Variants in CA10 observed in about 807,000 individuals in gnomAD.
CA10 encodes the protein carbonic anhydrase-related protein 10.
Under a neutral mutation model 44.2 loss-of-function variants are expected in CA10, and 14 were observed. The observed-to-expected ratio is 0.32, with a 90% confidence interval of 0.21 to 0.50. The LOEUF is 0.50. Ranked by LOEUF, CA10 falls within the 20% of genes least tolerant of loss-of-function variation. The pLI, the probability that CA10 is intolerant of heterozygous loss-of-function variation, is 0.99. For missense variants in CA10, 350 were observed against 409.7 expected, an observed-to-expected ratio of 0.85 and a Z score of 1.26; for synonymous variants, 159 against 141.6, an observed-to-expected ratio of 1.12 and a Z score of -0.87.
chr17:51,880,718 T>G (rs1980324053), intron 3 of CA10, among the ~76,000 whole-genome samples: 1 of 152,104 alleles, frequency 6.6e-6, no homozygotes, highest in South Asian at 2.1e-4. Flanking sequence ...ATAGGAAATC[T>G]TATTTATTGG....
At chr17:51,874,401 A>AAC (rs1238129780) in intron 3 of CA10, among the ~76,000 whole-genome samples, 1 of 151,174 alleles carries the variant, frequency 6.6e-6, no homozygotes, top group African/African-American at 2.4e-5. Context: ...AAAAAAAAAA[A>AAC]AAAAACAAAA....
intron 3 of CA10, among the ~76,000 whole-genome samples, chr17:51,790,163 C>T (rs748802764): frequency 2.6e-5 from 4 of 152,256 alleles, no homozygotes; most frequent in Non-Finnish European, 5.9e-5. Context: ...TCTAAATCTG[C>T]AAAAACTAGA....
chr17:51,870,689 A>T (rs1979761240), intron 3 of CA10, among the ~76,000 whole-genome samples: 1 of 152,250 alleles, frequency 6.6e-6, no homozygotes, highest in African/African-American at 2.4e-5. Flanking sequence ...TCGTGGAAGC[A>T]ATCGCCATCA....
At chr17:51,773,369 T>C (rs1393127597) in intron 3 of CA10, among the ~76,000 whole-genome samples, 1 of 152,164 alleles carries the variant, frequency 6.6e-6, no homozygotes, top group Non-Finnish European at 1.5e-5. Flanking sequence ...GGTAGTCTCT[T>C]AGAGACAGGG....
intron 4 of CA10, among the ~76,000 whole-genome samples, chr17:51,694,808 T>C (rs1915344027): frequency 6.6e-6 from 1 of 152,226 alleles, no homozygotes; most frequent in Non-Finnish European, 1.5e-5. Flanking sequence ...ACATCATTAA[T>C]ATATCTTGAG....
At chr17:51,634,430 C>T (rs144327770) in intron 7 of CA10, among the ~76,000 whole-genome samples, 106 of 152,238 alleles carry the variant, frequency 7.0e-4, no homozygotes, top group African/African-American at 2.3e-3. Flanking sequence ...ACACATATCC[C>T]GTCAAGGATA....
At chr17:51,679,101 G>A (rs1914732461) in intron 4 of CA10, among the ~76,000 whole-genome samples, 1 of 152,106 alleles carries the variant, frequency 6.6e-6, no homozygotes, top group South Asian at 2.1e-4. Flanking sequence ...GGGGGACATG[G>A]ACACAAACAA....
At chr17:51,712,727 T>A (rs1332390667) in intron 4 of CA10, among the ~76,000 whole-genome samples, 4 of 152,224 alleles carry the variant, frequency 2.6e-5, no homozygotes, top group Non-Finnish European at 5.9e-5. Flanking sequence ...GAACTCTTCT[T>A]AACTAGAAAG....
intron 3 of CA10, among the ~76,000 whole-genome samples, chr17:51,856,396 C>T (rs1405703165): frequency 7.0e-6 from 1 of 142,272 alleles, no homozygotes; most frequent in Non-Finnish European, 1.6e-5. Flanking sequence ...AACAACAACT[C>T]CCCTGGTCTC....
intron 3 of CA10, among the ~76,000 whole-genome samples, chr17:51,834,994 G>A (rs1298700848): frequency 6.6e-6 from 1 of 152,122 alleles, no homozygotes; most frequent in Non-Finnish European, 1.5e-5. Context: ...TTGTGCTCTG[G>A]GAATGGGACC....
intron 1 of CA10, among the ~76,000 whole-genome samples, chr17:52,106,832 C>T (rs926094386): frequency 2.6e-5 from 4 of 152,156 alleles, no homozygotes; most frequent in African/African-American, 9.7e-5. Context: ...TTAACTTGAT[C>T]GCCCTCTACT....
In CA10 at chr17:52,157,780, T is replaced by C. The variant is rs1411347882; in HGVS notation, c.7A>G (p.Ile3Val). The part of the protein sequence containing the change: ME[I>V]VWEVLFLLQA... ...AGAAGAAAAAGCACCTCCCAGACTA[T>C]TTCCATCCTCTGATTCTCATTCCAA... Residue 3 changes from isoleucine to valine, a missense_variant, in exon 1 of 9, where the codon ATA becomes GTA. Physicochemically the swap from Ile to Val is conservative, Grantham distance 29 (BLOSUM62 3). Coordinates refer to ENST00000451037, the MANE Select transcript of CA10 (RefSeq NM_020178.5). 3 of 1,613,710 alleles carry C rather than the reference T, an allele frequency of 1.9e-6. No homozygotes were observed. The African/African-American group carries it at 4.0e-5, about 22-fold the overall frequency.
At chr17:51,925,209 C>T (rs946410704) in intron 3 of CA10, among the ~76,000 whole-genome samples, 1 of 152,110 alleles carries the variant, frequency 6.6e-6, no homozygotes, top group Non-Finnish European at 1.5e-5. Context: ...TTCTTATATT[C>T]CTGACTGTGC....
chr17:52,035,097 G>A (rs767287269), intron 2 of CA10, among the ~76,000 whole-genome samples: 6 of 152,144 alleles, frequency 3.9e-5, no homozygotes, highest in Non-Finnish European at 5.9e-5. Context: ...AAGCTGAAAA[G>A]CCTGAAACAA....
chr17:52,008,105 A>G (rs752932727), intron 2 of CA10, among the ~76,000 whole-genome samples: 1 of 151,624 alleles, frequency 6.6e-6, no homozygotes, highest in Non-Finnish European at 1.5e-5. Flanking sequence ...TCTTTAATAC[A>G]ATCAGTTTTA....
chr17:51,942,293 C>T (rs1567893992), intron 2 of CA10, among the ~76,000 whole-genome samples: 1 of 152,042 alleles, frequency 6.6e-6, no homozygotes, highest in Non-Finnish European at 1.5e-5. Flanking sequence ...TCTTGGAACC[C>T]AAACACAACA....
intron 4 of CA10, among the ~76,000 whole-genome samples, chr17:51,712,187 A>G (rs1915961462): frequency 6.6e-6 from 1 of 152,242 alleles, no homozygotes; most frequent in Non-Finnish European, 1.5e-5. Flanking sequence ...TGCAGTGTCC[A>G]CTGAATATGA....
At chr17:51,789,386 A>C (rs1567840142) in intron 3 of CA10, among the ~76,000 whole-genome samples, 1 of 152,210 alleles carries the variant, frequency 6.6e-6, no homozygotes, top group Non-Finnish European at 1.5e-5. Flanking sequence ...TTTGTAATTT[A>C]TTGTGTACTA....
intron 4 of CA10, among the ~76,000 whole-genome samples, chr17:51,676,909 T>C (rs2143373450): frequency 6.6e-6 from 1 of 152,266 alleles, no homozygotes; most frequent in East Asian, 1.9e-4. Flanking sequence ...GCAAATGTGA[T>C]GATGGGTCTA....
Sources: allele counts gnomAD v4.1 joint callset (sites outside exome capture counted in the v4.1 genomes callset), GRCh38; gene constraint gnomAD v4.1.1; transcripts MANE v1.5; gene names NCBI Gene and HGNC (gene_info 2026-07-23, HGNC 2026-07-21).